The following ADAMTSL3 variants were observed in gnomAD, a reference collection of about 807,000 sequenced individuals.
The protein encoded by ADAMTSL3 is ADAMTS-like protein 3.
Under a neutral mutation model 201.7 loss-of-function variants are expected in ADAMTSL3, and 128 were observed. The ratio of observed to expected loss-of-function variants is 0.63; its 90% CI spans 0.55 to 0.73. The LOEUF is 0.73. ADAMTSL3 is among the 30% of genes least tolerant of loss of function. The pLI is 0.00. For synonymous variants in ADAMTSL3, 738 were observed against 748.4 expected, an observed-to-expected ratio of 0.99 and a Z score of 0.23; for missense variants, 1,990 against 2,119.6, an observed-to-expected ratio of 0.94 and a Z score of 1.20.
At chr15:83,714,869 C>T (rs1456386814) in intron 3 of ADAMTSL3, among the ~76,000 whole-genome samples, 1,202 of 12,678 alleles carry the variant, frequency 0.095, 43 homozygotes, top group East Asian at 0.24. Flanking sequence ...TCCCTCCCTC[C>T]CTCCCTCCCT....
At chr15:84,026,656 A>G (rs780697295) in intron 27 of ADAMTSL3, among the ~76,000 whole-genome samples, 15 of 152,184 alleles carry the variant, frequency 9.9e-5, no homozygotes, top group Non-Finnish European at 1.6e-4. Flanking sequence ...ATATATCTCA[A>G]TTGTTTTTGT....
At chr15:83,906,622 CCACA>C (rs1157198460) in intron 15 of ADAMTSL3, among the ~76,000 whole-genome samples, 2,620 of 78,818 alleles carry the variant, frequency 0.033, 41 homozygotes, top group South Asian at 0.073. Context: ...GTGCCACACA[CCACA>C]CACACACACA....
intron 3 of ADAMTSL3, among the ~76,000 whole-genome samples, chr15:83,721,873 C>T (rs1461773243): frequency 1.3e-5 from 2 of 152,084 alleles, no homozygotes; most frequent in Non-Finnish European, 2.9e-5. Flanking sequence ...GCTGGGACTA[C>T]AGGTGTGCAC....
chr15:83,783,498 T>A (rs1360297828), intron 4 of ADAMTSL3, among the ~76,000 whole-genome samples: 1 of 152,052 alleles, frequency 6.6e-6, no homozygotes, highest in East Asian at 1.9e-4. Flanking sequence ...TGTGGTTTAC[T>A]AGAGTCAAAC....
intron 23 of ADAMTSL3, among the ~76,000 whole-genome samples, chr15:84,010,786 C>A (rs1163074872): frequency 6.6e-6 from 1 of 152,194 alleles, no homozygotes; most frequent in Admixed American, 6.5e-5. Flanking sequence ...GATAGGTGAT[C>A]CAGGTAATAC....
intron 3 of ADAMTSL3, among the ~76,000 whole-genome samples, chr15:83,770,427 T>G (rs1244424566): frequency 2.0e-5 from 3 of 152,262 alleles, no homozygotes; most frequent in Non-Finnish European, 2.9e-5. Context: ...ATTTGGTATG[T>G]TTCCAGCCTA....
intron 9 of ADAMTSL3, among the ~76,000 whole-genome samples, chr15:83,874,463 G>T (rs1291895243): frequency 6.9e-6 from 1 of 144,320 alleles, no homozygotes; most frequent in Non-Finnish European, 1.5e-5. Context: ...GTGTACTCCT[G>T]ACTGGCCAGG....
In ADAMTSL3 at chr15:83,727,353, A is replaced by G. The variant is rs552728924; in HGVS notation, c.189+22845A>G. Among the ~76,000 whole-genome samples the G allele has an allele frequency of 9.5e-4, 142 of 149,194 alleles. 1 individual carries two copies. The highest frequency in any genetic ancestry group is 3.4e-3 in the African/African-American group (137 of 40,620). On this transcript the variant is annotated intron_variant, in intron 3 of 29. Coordinates refer to ENST00000286744, the MANE Select transcript of ADAMTSL3 (RefSeq NM_207517.3). Reference sequence around the variant, plus strand: ...CAAAAATCAACTTTTTGTTTCATTGATTTTTTTTGTATTTTTTGTGTTAAT... The same window carrying G: ...CAAAAATCAACTTTTTGTTTCATTGGTTTTTTTTGTATTTTTTGTGTTAAT...
Position 83,983,300 on chromosome 15 carries a change from A to G in ADAMTSL3, c.3672A>G (p.Thr1224=), listed in dbSNP as rs748331425. 1 of 1,584,938 alleles carries G rather than the reference A, an allele frequency of 6.3e-7. No homozygotes were observed. Among genetic ancestry groups the G allele is most frequent in the Admixed American group, 1.8e-5 (1 of 55,246 alleles). Reference sequence around the variant, plus strand: ...ACCTTATTACCCCCAGTGAGGCCACATATACATGGACCAAGGATGGAACCT... The same window carrying G: ...ACCTTATTACCCCCAGTGAGGCCACGTATACATGGACCAAGGATGGAACCT... ...LCDLITPSEA[T]YTWTKDGTLL... is the part of the protein sequence containing the mutation. The change falls in exon 21 of 30, where the codon ACA becomes ACG. Residue 1224 remains threonine, a synonymous_variant. Coordinates refer to ENST00000286744, the MANE Select transcript of ADAMTSL3 (RefSeq NM_207517.3).
chr15:83,798,084 A>G (rs1479405678), intron 4 of ADAMTSL3, among the ~76,000 whole-genome samples: 1 of 151,518 alleles, frequency 6.6e-6, no homozygotes, highest in Non-Finnish European at 1.5e-5. Context: ...ATATTCTCAA[A>G]AACAGTTTTC....
At chr15:83,672,145 G>A (rs1345066770) in intron 2 of ADAMTSL3, among the ~76,000 whole-genome samples, 1 of 152,120 alleles carries the variant, frequency 6.6e-6, no homozygotes, top group Non-Finnish European at 1.5e-5. Context: ...AAATAGAAGT[G>A]ACCACCCTGG....
At chr15:83,715,902 T>C (rs1173715377) in intron 3 of ADAMTSL3, among the ~76,000 whole-genome samples, 1 of 152,226 alleles carries the variant, frequency 6.6e-6, no homozygotes, top group East Asian at 1.9e-4. Context: ...TGTCTGTGTT[T>C]TCTGCGATGT....
chr15:83,702,488 G>A (rs1231413255), intron 2 of ADAMTSL3, among the ~76,000 whole-genome samples: 2 of 152,188 alleles, frequency 1.3e-5, no homozygotes, highest in African/African-American at 4.8e-5. Flanking sequence ...AAGTGGTTTT[G>A]CGGGCTGGGC....
At chr15:83,985,209 T>A (rs2067452371) in intron 21 of ADAMTSL3, among the ~76,000 whole-genome samples, 1 of 151,968 alleles carries the variant, frequency 6.6e-6, no homozygotes, top group East Asian at 1.9e-4. Flanking sequence ...AATACACATT[T>A]AAAAAAATCA....
chr15:83,955,066 A>T (rs190343804), intron 19 of ADAMTSL3, among the ~76,000 whole-genome samples: 21 of 152,342 alleles, frequency 1.4e-4, no homozygotes, highest in African/African-American at 5.1e-4. Flanking sequence ...ATCCAGGCTT[A>T]TGTCCTTCCC....
chr15:83,971,027 C>T (rs1009359636), intron 20 of ADAMTSL3, among the ~76,000 whole-genome samples: 2 of 152,166 alleles, frequency 1.3e-5, no homozygotes, highest in African/African-American at 2.4e-5. Flanking sequence ...TATTTTTAAG[C>T]ATTCAAGTAT....
chr15:83,743,356 A>G (rs548737480), intron 3 of ADAMTSL3, among the ~76,000 whole-genome samples: 172 of 152,056 alleles, frequency 1.1e-3, no homozygotes, highest in African/African-American at 4.0e-3. Flanking sequence ...TACTAAAAAT[A>G]CAAAAAATTA....
intron 27 of ADAMTSL3, among the ~76,000 whole-genome samples, chr15:84,026,334 G>A (rs1208103189): frequency 6.6e-6 from 1 of 152,092 alleles, no homozygotes; most frequent in Non-Finnish European, 1.5e-5. Context: ...CTAAATAAAT[G>A]GAAAGCTGTA....
At chr15:83,816,246 C>G (rs1032194763) in intron 5 of ADAMTSL3, among the ~76,000 whole-genome samples, 3 of 152,122 alleles carry the variant, frequency 2.0e-5, no homozygotes, top group Admixed American at 6.5e-5. Context: ...CCAGTCCAAC[C>G]CCAGATTGAT....
Sources: allele counts gnomAD v4.1 joint callset (sites outside exome capture counted in the v4.1 genomes callset), GRCh38; gene constraint gnomAD v4.1.1; transcripts MANE v1.5; gene names NCBI Gene and HGNC (gene_info 2026-07-23, HGNC 2026-07-21).